Variants in COL22A1 observed in about 807,000 individuals in gnomAD.
COL22A1 encodes the protein collagen alpha-1(XXII) chain.
COL22A1 carries 221 observed loss-of-function variants against 248.9 expected under a neutral mutation model. That is an observed-to-expected ratio of 0.89 (90% CI 0.80 to 0.99). The LOEUF (loss-of-function observed/expected upper bound fraction) is 0.99, where lower values mean the gene tolerates loss of function less well. Ranked by LOEUF, COL22A1 falls within the 50% of genes least tolerant of loss-of-function variation. The pLI is 0.00. For synonymous variants in COL22A1, 891 were observed against 793.4 expected, an observed-to-expected ratio of 1.12 and a Z score of -2.07; for missense variants, 2,240 against 2,179.0, an observed-to-expected ratio of 1.03 and a Z score of -0.56.
At chr8:138,617,109 G>A (rs879188498) in intron 53 of COL22A1, 151 bp from the exon 54 acceptor site, 10 of 773,276 alleles carry the variant, frequency 1.3e-5, no homozygotes, top group Admixed American at 2.1e-5. Flanking sequence ...TGCCATGCTC[G>A]GTGCCAGAGG....
intron 36 of COL22A1, among the ~76,000 whole-genome samples, chr8:138,690,092 C>A (rs530135197): frequency 5.3e-5 from 8 of 152,334 alleles, no homozygotes; most frequent in African/African-American, 1.9e-4. Context: ...ATGTAATGTG[C>A]TTAGTACCAT....
At chr8:138,702,462 C>T (rs543224713) in intron 31 of COL22A1, among the ~76,000 whole-genome samples, 2 of 152,228 alleles carry the variant, frequency 1.3e-5, no homozygotes, top group Admixed American at 1.3e-4. Context: ...CAGGCTCTCT[C>T]CTCTCCTGGC....
Position 138,796,869 on chromosome 8 carries a change from AAAG to A in COL22A1, c.1558-15_1558-13del. Reference sequence around the variant, plus strand: ...AAAGGTCCTATGCCCTAGAAAAATGAAAGAAGGCAAAGATTCACTACAGAGCAT... The same window carrying A: ...AAAGGTCCTATGCCCTAGAAAAATGAAAGGCAAAGATTCACTACAGAGCAT... On this transcript the variant is annotated splice_polypyrimidine_tract_variant and intron_variant, in intron 11 of 64. Transcript: ENST00000303045. 6.4e-7 allele frequency: 1 copy of A among 1,556,440 alleles called. No homozygotes were observed.
chr8:138,771,691 T>A (rs1332057227), intron 16 of COL22A1, among the ~76,000 whole-genome samples: 3 of 152,188 alleles, frequency 2.0e-5, no homozygotes, highest in African/African-American at 7.2e-5. Context: ...AAGTAATAAA[T>A]GTTTGTGAAT....
chr8:138,800,377 G>A (rs1816897942), intron 11 of COL22A1, among the ~76,000 whole-genome samples: 2 of 152,310 alleles, frequency 1.3e-5, no homozygotes, highest in South Asian at 4.1e-4. Context: ...CCAGACGCAG[G>A]AGGTGAAAAA....
chr8:138,634,695 C>G (rs1289111063), intron 49 of COL22A1, among the ~76,000 whole-genome samples: 6 of 152,118 alleles, frequency 3.9e-5, no homozygotes, highest in Non-Finnish European at 7.3e-5. Flanking sequence ...TGCTTGCCAT[C>G]ATAATCTTGA....
At chr8:138,701,933 TG>T (rs1317045451) in intron 31 of COL22A1, among the ~76,000 whole-genome samples, 1 of 152,256 alleles carries the variant, frequency 6.6e-6, no homozygotes, top group Non-Finnish European at 1.5e-5. Flanking sequence ...CATATTAATT[TG>T]TAGAATTCCA....
At chr8:138,865,624 T>C (rs1424473620) in intron 3 of COL22A1, among the ~76,000 whole-genome samples, 4 of 151,740 alleles carry the variant, frequency 2.6e-5, no homozygotes, top group Middle Eastern at 3.4e-3. Context: ...TGTGTGTGAG[T>C]GTATGTGTAT....
chr8:138,908,388 A>C (rs11784270), intron 1 of COL22A1, among the ~76,000 whole-genome samples: 45,030 of 152,160 alleles, frequency 0.3, 7,067 homozygotes, highest in African/African-American at 0.41. Context: ...ACTTGTAAAA[A>C]CATGCTTTTG....
At chr8:138,902,311 G>A (rs1814645613) in intron 1 of COL22A1, among the ~76,000 whole-genome samples, 4 of 152,176 alleles carry the variant, frequency 2.6e-5, no homozygotes, top group Admixed American at 1.3e-4. Flanking sequence ...ACAGAGAAAA[G>A]GCCCCAGCCA....
intron 28 of COL22A1, among the ~76,000 whole-genome samples, chr8:138,716,597 G>A (rs1450599874): frequency 6.6e-6 from 1 of 151,876 alleles, no homozygotes; most frequent in African/African-American, 2.4e-5. Context: ...CATCCTTTCT[G>A]ACAGTCCCCA....
chr8:138,621,881 G>T (rs1041868942), intron 52 of COL22A1, among the ~76,000 whole-genome samples: 2 of 152,190 alleles, frequency 1.3e-5, no homozygotes, highest in African/African-American at 4.8e-5. Context: ...AATGTCATTT[G>T]CCCATCATGG....
At chr8:138,797,076 ATTCT>A (rs1181885346) in intron 11 of COL22A1, among the ~76,000 whole-genome samples, 4 of 152,246 alleles carry the variant, frequency 2.6e-5, no homozygotes, top group South Asian at 2.1e-4. Flanking sequence ...TATAGTTACT[ATTCT>A]TTGTTTCCAT....
chr8:138,612,713 G>A (rs1437279506), intron 56 of COL22A1, among the ~76,000 whole-genome samples: 1 of 151,850 alleles, frequency 6.6e-6, no homozygotes, highest in Admixed American at 6.6e-5. Context: ...GATCACTTGA[G>A]GTCAGGAGTT....
intron 11 of COL22A1, among the ~76,000 whole-genome samples, chr8:138,801,278 G>A (rs1413182969): frequency 6.6e-6 from 1 of 152,192 alleles, no homozygotes; most frequent in Non-Finnish European, 1.5e-5. Context: ...TCGAGCCTGA[G>A]AAACCAGTGT....
At chr8:138,691,002 C>G in intron 35 of COL22A1, 128 bp from the exon 36 acceptor site, 1 of 683,064 alleles carries the variant, frequency 1.5e-6, no homozygotes, top group Non-Finnish European at 2.4e-6. Flanking sequence ...ACCTGACAGC[C>G]TCTGCAGACG....
In COL22A1 at chr8:138,751,522, G is replaced by C. The variant is rs201676364; in HGVS notation, c.2032-11C>G. Reference sequence around the variant, plus strand: ...TGGGCCTATTGGACCCTTTAGGAGGGAGAAAAAGGAAAAAGAGAGAGAAAC... The same window carrying C: ...TGGGCCTATTGGACCCTTTAGGAGGCAGAAAAAGGAAAAAGAGAGAGAAAC... On this transcript the variant is annotated splice_polypyrimidine_tract_variant and intron_variant, in intron 21 of 64. Transcript: ENST00000303045. 6 of 1,597,232 alleles carry C rather than the reference G, an allele frequency of 3.8e-6. No homozygotes were observed. The Admixed American group carries it at 8.7e-5, about 23-fold the overall frequency.
In COL22A1 at chr8:138,676,762, C is replaced by T. The variant is rs1587838151; in HGVS notation, c.3073-127G>A. The T allele has an allele frequency of 1.0e-5, 7 of 696,880 alleles. No individual in the cohort carries two copies. The East Asian group carries it at 1.7e-4, about 17-fold the overall frequency. 43.2% of individuals were successfully genotyped at this position (696,880 alleles called of 1,614,324 possible). ...TCTCCTGCCACCTGGCCTCCATGGG[C>T]CATGCTATAGTCTACCCAGGCAGCC... On this transcript the variant is annotated intron_variant, in intron 40 of 64. Coordinates refer to ENST00000303045, the MANE Select transcript of COL22A1 (RefSeq NM_152888.3).
chr8:138,898,711 T>C (rs1027407456), intron 1 of COL22A1, among the ~76,000 whole-genome samples: 1 of 152,132 alleles, frequency 6.6e-6, no homozygotes, highest in African/African-American at 2.4e-5. Flanking sequence ...TAACTGCCCA[T>C]ATAGAACATA....
Sources: gnomAD v4.1 joint callset for allele counts (sites outside exome capture counted in the v4.1 genomes callset) on GRCh38, gnomAD v4.1.1 for gene constraint, MANE v1.5 for transcripts, NCBI Gene and HGNC (gene_info 2026-07-23, HGNC 2026-07-21) for gene names.